Variants in CCDC138 observed in about 807,000 individuals in gnomAD.
The protein encoded by CCDC138 is coiled-coil domain containing 138, also known as coiled-coil domain-containing protein 138.
A neutral mutation model predicts 82.3 loss-of-function variants in CCDC138; 66 were observed. That is an observed-to-expected ratio of 0.80 (90% CI 0.66 to 0.98). The LOEUF (loss-of-function observed/expected upper bound fraction) is 0.98. CCDC138 is among the 50% of genes least tolerant of loss of function. The pLI is 0.00. For synonymous variants in CCDC138, 297 were observed against 265.4 expected (o/e 1.12, Z -1.16); for missense variants, 816 against 758.9 (o/e 1.08, Z -0.88).
chr2:108,848,146 T>A (rs1032678608), intron 12 of CCDC138, among the ~76,000 whole-genome samples: 1 of 152,200 alleles, frequency 6.6e-6, no homozygotes, highest in African/African-American at 2.4e-5. Flanking sequence ...TAAGAAAAAT[T>A]ATTAATCATT....
At chr2:108,843,383 C>T (rs1488509894) in intron 11 of CCDC138, among the ~76,000 whole-genome samples, 1 of 152,126 alleles carries the variant, frequency 6.6e-6, no homozygotes, top group Non-Finnish European at 1.5e-5. Context: ...GTCTCGAACT[C>T]CTGACCTCAA....
intron 13 of CCDC138, among the ~76,000 whole-genome samples, chr2:108,867,599 C>G (rs1434418338): frequency 6.6e-6 from 1 of 152,078 alleles, no homozygotes; most frequent in Non-Finnish European, 1.5e-5. Flanking sequence ...GCATTTCACA[C>G]CATTCCTCCT....
Position 108,856,882 on chromosome 2 carries a change from TC to T in CCDC138, c.1607del (p.Pro536GlnfsTer2), listed in dbSNP as rs1220927139. ...CCTTGTTTTTGGAGTATCAGGCTGT[TC>T]CAGTAATATTAAGTCATCTAAGAAT... The part of the protein sequence containing the change: ...KTLFLEYQAV[P>X]VILSHLRISS... On this transcript the variant is annotated frameshift_variant, in exon 13 of 15. Transcript: ENST00000295124. LOFTEE classifies it high-confidence loss of function. The T allele has an allele frequency of 6.2e-7, 1 of 1,613,248 alleles. No individual in the cohort carries two copies. Among genetic ancestry groups the T allele is most frequent in the Non-Finnish European group, 8.5e-7 (1 of 1,179,500 alleles).
intron 10 of CCDC138, among the ~76,000 whole-genome samples, chr2:108,821,832 C>T (rs1241987914): frequency 6.6e-6 from 1 of 151,142 alleles, no homozygotes; most frequent in Non-Finnish European, 1.5e-5. Flanking sequence ...ATAATCCCAG[C>T]TACTCCAGAG....
Position 108,815,464 on chromosome 2 carries a change from T to TG in CCDC138, c.1042-477_1042-476insG, listed in dbSNP as rs1216011441. Among the ~76,000 whole-genome samples, 389 of 133,494 alleles carry TG rather than the reference T, an allele frequency of 2.9e-3. 1 individual carries two copies. Among genetic ancestry groups the TG allele is most frequent in the African/African-American group, 0.01 (355 of 33,848 alleles). 87.6% of individuals were successfully genotyped at this position (133,494 alleles called of 152,430 possible). On this transcript the variant is annotated intron_variant, in intron 9 of 14. Transcript: ENST00000295124. ...ATTAGTTGGGGAGGTTTTTGGTGTT[T>TG]TTTTTTTTTTTTTTTTTTTTGAGAT... is the stretch of plus-strand genomic sequence containing the variant.
intron 12 of CCDC138, 115 bp downstream of exon 12, chr2:108,847,045 T>G: frequency 1.5e-6 from 1 of 672,826 alleles, no homozygotes; most frequent in Non-Finnish European, 2.5e-6. Context: ...TTTTGAATTG[T>G]TTTATAATGG....
intron 13 of CCDC138, among the ~76,000 whole-genome samples, chr2:108,857,724 A>T (rs915208118): frequency 1.2e-4 from 18 of 152,362 alleles, no homozygotes; most frequent in Admixed American, 1.2e-3. Context: ...TGTAAGGAGT[A>T]GAATGAAAAG....
At chr2:108,836,414 T>C (rs953031085) in intron 10 of CCDC138, among the ~76,000 whole-genome samples, 4 of 152,212 alleles carry the variant, frequency 2.6e-5, no homozygotes, top group African/African-American at 9.6e-5. Context: ...TTGATAGATA[T>C]TTGGGCAGCT....
chr2:108,853,447 T>C (rs1041393874), intron 12 of CCDC138, among the ~76,000 whole-genome samples: 1 of 152,126 alleles, frequency 6.6e-6, no homozygotes, highest in Non-Finnish European at 1.5e-5. Flanking sequence ...TCAATATATG[T>C]GTACCAATTT....
chr2:108,842,573 G>T (rs1208436034), intron 11 of CCDC138, among the ~76,000 whole-genome samples: 1 of 152,128 alleles, frequency 6.6e-6, no homozygotes, highest in Non-Finnish European at 1.5e-5. Flanking sequence ...AGTCACTGTG[G>T]CATGTTCACA....
chr2:108,820,082 G>A (rs1021504933), intron 10 of CCDC138, among the ~76,000 whole-genome samples: 23 of 152,258 alleles, frequency 1.5e-4, no homozygotes, highest in Non-Finnish European at 2.5e-4. Context: ...TTACGCAGAA[G>A]ACATCAACAC....
At chr2:108,800,452 ACGGG>A (rs1434805614) in intron 6 of CCDC138, among the ~76,000 whole-genome samples, 1 of 151,692 alleles carries the variant, frequency 6.6e-6, no homozygotes, top group Non-Finnish European at 1.5e-5. Flanking sequence ...TTTAGTAGGG[ACGGG>A]GTTTCACCAT....
intron 10 of CCDC138, among the ~76,000 whole-genome samples, chr2:108,836,617 G>T (rs936481395): frequency 6.6e-6 from 1 of 152,158 alleles, no homozygotes; most frequent in Non-Finnish European, 1.5e-5. Context: ...AGGGATTTTG[G>T]TAGAGATGAC....
chr2:108,814,694 G>A (rs1385301372), intron 9 of CCDC138, among the ~76,000 whole-genome samples: 2 of 146,616 alleles, frequency 1.4e-5, no homozygotes, highest in South Asian at 2.1e-4. Context: ...TTTGAGATGG[G>A]GTCTCACTCT....
At chr2:108,826,201 C>A (rs146794120) in intron 10 of CCDC138, among the ~76,000 whole-genome samples, 55 of 152,088 alleles carry the variant, frequency 3.6e-4, no homozygotes, top group South Asian at 2.1e-3. Flanking sequence ...TTTCTCCATT[C>A]AGTAGTTGTC....
chr2:108,789,887 T>C (rs1194737693), intron 3 of CCDC138, among the ~76,000 whole-genome samples: 1 of 152,178 alleles, frequency 6.6e-6, no homozygotes, highest in Non-Finnish European at 1.5e-5. Context: ...GCTAAAAATA[T>C]GTGGCAGAAA....
At chr2:108,877,243 G>A (rs139769942), downstream of CCDC138, among the ~76,000 whole-genome samples, 249 of 152,128 alleles carry the variant, frequency 1.6e-3, 2 homozygotes, top group African/African-American at 5.7e-3. Flanking sequence ...TGAGGTGGGC[G>A]GATCACCTAA....
At chr2:108,789,961 T>A (rs1296046065) in intron 3 of CCDC138, among the ~76,000 whole-genome samples, 1 of 152,204 alleles carries the variant, frequency 6.6e-6, no homozygotes, top group Non-Finnish European at 1.5e-5. Flanking sequence ...ATATATAACA[T>A]GAAATGTTGA....
chr2:108,866,004 A>ATTTTGTTCCTGTC (rs1486307184), intron 13 of CCDC138, among the ~76,000 whole-genome samples: 1 of 151,878 alleles, frequency 6.6e-6, no homozygotes, highest in Non-Finnish European at 1.5e-5. Flanking sequence ...GAGCTGGGGG[A>ATTTTGTTCCTGTC]TTTTGTTCCT....
Sources: gnomAD v4.1 joint callset for allele counts (sites outside exome capture counted in the v4.1 genomes callset) on GRCh38, gnomAD v4.1.1 for gene constraint, MANE v1.5 for transcripts, NCBI Gene and HGNC (gene_info 2026-07-23, HGNC 2026-07-21) for gene names.